LCLAT1: variants seen among roughly 807,000 people sequenced by gnomAD.
LCLAT1 encodes the protein 1-AGP acyltransferase 8.
In LCLAT1, 11 loss-of-function variants were observed where a neutral mutation model predicts 30.7. The ratio of observed to expected loss-of-function variants is 0.36; its 90% confidence interval spans 0.23 to 0.59. LCLAT1 has a LOEUF of 0.59. Among genes scored for constraint, LCLAT1 ranks in the 20% least tolerant of loss-of-function variants. The pLI is 0.77. For synonymous variants in LCLAT1, 155 were observed against 151.3 expected (o/e 1.02, Z -0.18); for missense variants, 402 against 458.6 (o/e 0.88, Z 1.13).
intron 1 of LCLAT1, among the ~76,000 whole-genome samples, chr2:30,485,262 C>G (rs77913051): frequency 0.024 from 3,621 of 152,192 alleles, 130 homozygotes; most frequent in African/African-American, 0.082. Flanking sequence ...TTTAAGCTGA[C>G]TAGAAAGATA....
rs1371868342 is a variant in LCLAT1, at chr2:30,545,441, CTG to C, written c.364+12129_364+12130del. Among the ~76,000 whole-genome samples the C allele has an allele frequency of 7.2e-5, 11 of 152,076 alleles. No homozygotes were observed. The East Asian group carries it at 1.9e-3, about 27-fold the overall frequency. On this transcript the variant is annotated intron_variant, in intron 3 of 5. Coordinates refer to ENST00000379509, the MANE Select transcript of LCLAT1 (RefSeq NM_001002257.3). ...TTGTGCAACTGACTAAAGGAAAACA[CTG>C]TATCTGTAGTGCCAGGTTGGGAAAT...
intron 1 of LCLAT1, among the ~76,000 whole-genome samples, chr2:30,483,782 G>A (rs1226472811): frequency 2.0e-5 from 3 of 152,088 alleles, no homozygotes; most frequent in South Asian, 2.1e-4. Context: ...ACTCCTACTG[G>A]ATTTTAAAGG....
chr2:30,573,739 T>G (rs1665881152), intron 5 of LCLAT1, among the ~76,000 whole-genome samples: 1 of 152,214 alleles, frequency 6.6e-6, no homozygotes, highest in South Asian at 2.1e-4. Flanking sequence ...TATGTAAATT[T>G]TTCTTACGAT....
intron 3 of LCLAT1, among the ~76,000 whole-genome samples, chr2:30,560,392 G>A (rs1020748035): frequency 1.3e-4 from 20 of 151,894 alleles, no homozygotes; most frequent in African/African-American, 4.6e-4. Context: ...TGGCTGAAGT[G>A]CAGTGGTACG....
intron 2 of LCLAT1, among the ~76,000 whole-genome samples, chr2:30,528,841 T>C (rs527979539): frequency 6.6e-6 from 1 of 152,258 alleles, no homozygotes; most frequent in African/African-American, 2.4e-5. Context: ...ACAGAGAAAG[T>C]TTTTTTAGTT....
chr2:30,553,506 G>C (rs1470235773), intron 3 of LCLAT1, among the ~76,000 whole-genome samples: 2 of 152,194 alleles, frequency 1.3e-5, no homozygotes, highest in African/African-American at 2.4e-5. Context: ...AGAATATCCT[G>C]CAGTGGAAAA....
chr2:30,479,940 A>G (rs1683243503), intron 1 of LCLAT1, among the ~76,000 whole-genome samples: 1 of 152,166 alleles, frequency 6.6e-6, no homozygotes, highest in Non-Finnish European at 1.5e-5. Flanking sequence ...TGCCTTAGTG[A>G]TTGTATCTCT....
At chr2:30,601,940 A>G (rs1220647501) in intron 5 of LCLAT1, among the ~76,000 whole-genome samples, 2 of 151,918 alleles carry the variant, frequency 1.3e-5, no homozygotes. Flanking sequence ...AAACAGTCCA[A>G]TAAAGAAGTA....
At chr2:30,598,613 T>G (rs558132165) in intron 5 of LCLAT1, among the ~76,000 whole-genome samples, 1 of 152,296 alleles carries the variant, frequency 6.6e-6, no homozygotes, top group East Asian at 1.9e-4. Flanking sequence ...TTCATTGATT[T>G]GTTTTTATTT....
chr2:30,608,191 G>A (rs1274987645), intron 5 of LCLAT1, among the ~76,000 whole-genome samples: 1 of 151,592 alleles, frequency 6.6e-6, no homozygotes, highest in Non-Finnish European at 1.5e-5. Context: ...CGTGGTGGCA[G>A]GTGCCTCTAT....
chr2:30,511,875 C>T (rs919019990), intron 1 of LCLAT1, among the ~76,000 whole-genome samples: 3 of 152,188 alleles, frequency 2.0e-5, no homozygotes, highest in Non-Finnish European at 2.9e-5. Flanking sequence ...TTACCTAATC[C>T]TCTTTATTTT....
intron 5 of LCLAT1, among the ~76,000 whole-genome samples, chr2:30,623,573 T>TG (rs953463425): frequency 7.3e-5 from 11 of 150,290 alleles, no homozygotes; most frequent in African/African-American, 2.4e-4. Context: ...GGAAAAAGAA[T>TG]GGGGGAAAAA....
At chr2:30,461,410 TTTG>T (rs929321365) in intron 1 of LCLAT1, among the ~76,000 whole-genome samples, 1 of 152,056 alleles carries the variant, frequency 6.6e-6, no homozygotes, top group Non-Finnish European at 1.5e-5. Context: ...TTTTGGTGTT[TTTG>T]TTGTTGTTGG....
intron 3 of LCLAT1, among the ~76,000 whole-genome samples, chr2:30,546,034 A>G (rs1346196582): frequency 2.0e-5 from 3 of 152,204 alleles, no homozygotes; most frequent in African/African-American, 7.2e-5. Flanking sequence ...CTAAAGCATT[A>G]CATTCTGCAA....
intron 1 of LCLAT1, among the ~76,000 whole-genome samples, chr2:30,506,391 A>G (rs1183795278): frequency 6.6e-6 from 1 of 152,092 alleles, no homozygotes; most frequent in Non-Finnish European, 1.5e-5. Flanking sequence ...AAACCGTACT[A>G]TAATAGAGAC....
chr2:30,520,419 G>A (rs17322862), intron 1 of LCLAT1, among the ~76,000 whole-genome samples: 24,055 of 152,146 alleles, frequency 0.16, 2,280 homozygotes, highest in East Asian at 0.22. Context: ...AACTACAGAT[G>A]TAATACATGG....
chr2:30,615,431 G>T (rs1667950957), intron 5 of LCLAT1, among the ~76,000 whole-genome samples: 2 of 152,098 alleles, frequency 1.3e-5, no homozygotes, highest in Admixed American at 6.6e-5. Context: ...GAAGTTATTG[G>T]AAGTTTTTGA....
intron 5 of LCLAT1, among the ~76,000 whole-genome samples, chr2:30,574,358 A>G (rs1336307739): frequency 6.6e-6 from 1 of 152,192 alleles, no homozygotes; most frequent in African/African-American, 2.4e-5. Flanking sequence ...GACAGTGTTT[A>G]TAAGATCAAA....
chr2:30,524,516 T>C (rs895300213), intron 1 of LCLAT1, among the ~76,000 whole-genome samples: 3 of 152,190 alleles, frequency 2.0e-5, no homozygotes, highest in East Asian at 1.9e-4. Context: ...ATATGGAAAA[T>C]TCCAGAAATA....
Sources: gnomAD v4.1 joint callset for allele counts (sites outside exome capture counted in the v4.1 genomes callset) on GRCh38, gnomAD v4.1.1 for gene constraint, MANE v1.5 for transcripts, NCBI Gene and HGNC (gene_info 2026-07-23, HGNC 2026-07-21) for gene names.